Variants in MAVS observed in about 807,000 individuals in gnomAD.
The protein encoded by MAVS is mitochondrial antiviral-signaling protein.
Under a neutral mutation model 30.2 loss-of-function variants are expected in MAVS, and 20 were observed. The ratio of observed to expected loss-of-function variants is 0.66; its 90% confidence interval spans 0.47 to 0.96. The LOEUF is 0.96. Among genes scored for constraint, MAVS ranks in the 40% least tolerant of loss-of-function variants. MAVS has a pLI of 0.00. For synonymous variants in MAVS, 278 were observed against 293.9 expected (o/e 0.95, Z 0.55); for missense variants, 624 against 701.1 (o/e 0.89, Z 1.24).
At chr20:3,852,834 ATTTTTTTTT>A (rs57163061) in intron 1 of MAVS, among the ~76,000 whole-genome samples, 2 of 107,488 alleles carry the variant, frequency 1.9e-5, no homozygotes, top group South Asian at 3.0e-4. Flanking sequence ...ATTCTGCAGA[ATTTTTTTTT>A]TTTTTTTTTT....
At chr20:3,855,037 C>T (rs1232186049) in intron 2 of MAVS, among the ~76,000 whole-genome samples, 3 of 152,040 alleles carry the variant, frequency 2.0e-5, no homozygotes, top group Non-Finnish European at 2.9e-5. Context: ...ATTACAGGTG[C>T]GTGCCACCAC....
At chr20:3,858,851 G>T (rs1198374768) in intron 3 of MAVS, among the ~76,000 whole-genome samples, 1 of 150,356 alleles carries the variant, frequency 6.7e-6, no homozygotes, top group Non-Finnish European at 1.5e-5. Flanking sequence ...CCAGGCTGCA[G>T]TGCAGTGGTG....
At chr20:3,853,230 T>G (rs1171685698) in intron 1 of MAVS, among the ~76,000 whole-genome samples, 4 of 147,172 alleles carry the variant, frequency 2.7e-5, no homozygotes, top group African/African-American at 9.9e-5. Context: ...CTCACGCCTG[T>G]AATCCCAGCA....
intron 4 of MAVS, 150 bp downstream of exon 4, chr20:3,861,654 GC>G: frequency 1.2e-6 from 1 of 868,558 alleles, no homozygotes. Context: ...GTGGGGATCT[GC>G]CCCAGACCAG....
chr20:3,857,989 C>G, intron 3 of MAVS, 180 bp downstream of exon 3: 1 of 697,946 alleles, frequency 1.4e-6, no homozygotes. Flanking sequence ...TCCCTTTGGC[C>G]AAGTCCCTTA....
intron 2 of MAVS, among the ~76,000 whole-genome samples, chr20:3,856,452 A>G (rs2089811540): frequency 6.7e-6 from 1 of 148,716 alleles, no homozygotes; most frequent in South Asian, 2.1e-4. Flanking sequence ...CCTGGGTTCA[A>G]GCAATTCTCC....
rs564825944 is a variant in MAVS, at chr20:3,876,092, A to C, written c.*9945A>C. ...GTGAGCCCGTGGACACTTCTGTACA[A>C]TAAATCTGCTATTATTACTTCTAGA... On this transcript the variant is annotated 3_prime_UTR_variant, in exon 7 of 7. Transcript: ENST00000428216. 2.0e-5 allele frequency: 3 copies of C among 152,380 alleles called. No homozygotes were observed. Among genetic ancestry groups the C allele is most frequent in the African/African-American group, 7.2e-5 (3 of 41,536 alleles). 9.4% of individuals were successfully genotyped at this position (152,380 alleles called of 1,614,324 possible).
chr20:3,851,957 CAAAAA>C (rs1364240405), intron 1 of MAVS, among the ~76,000 whole-genome samples: 1 of 143,502 alleles, frequency 7.0e-6, no homozygotes, highest in Non-Finnish European at 1.5e-5. Flanking sequence ...AACTCTGTCT[CAAAAA>C]AGAAAAAAAG....
chr20:3,864,346 G>A lies in MAVS; in HGVS notation c.716G>A (p.Arg239His), dbSNP rs143249441. The A allele has an allele frequency of 2.1e-5, 34 of 1,609,782 alleles. No individual in the cohort carries two copies. Among genetic ancestry groups the A allele is most frequent in the Middle Eastern group, 1.7e-4 (1 of 6,060 alleles). The change falls in exon 6 of 7, where the codon CGC (arginine) becomes CAC (histidine). Residue 239 changes from arginine to histidine, a missense_variant. Transcript: ENST00000428216. Reference protein sequence around the residue: ...PLARSTPRASRLPGPTGSVVS... With the variant: ...PLARSTPRASHLPGPTGSVVS... ...GCCCGTTCCACCCCCAGGGCAAGCC[G>A]CTTGCCTGGACCCACAGGGTCAGTT...
chr20:3,851,990 C>CCTTTTTTTTTTTTTTTTTTT (rs2089763993), intron 1 of MAVS, among the ~76,000 whole-genome samples: 1 of 80,488 alleles, frequency 1.2e-5, no homozygotes, highest in African/African-American at 1.2e-4. Context: ...GTGTAGCAGG[C>CCTTTTTTTTTTTTTTTTTTT]TTTTTTTTTT....
intron 1 of MAVS, among the ~76,000 whole-genome samples, chr20:3,852,307 CTT>C (rs1432856611): frequency 6.6e-6 from 1 of 152,110 alleles, no homozygotes; most frequent in Non-Finnish European, 1.5e-5. Flanking sequence ...GTGTAGCAGG[CTT>C]TAATGGTGGG....
intron 2 of MAVS, among the ~76,000 whole-genome samples, chr20:3,855,229 G>A (rs912755160): frequency 5.9e-5 from 9 of 152,210 alleles, no homozygotes; most frequent in African/African-American, 1.7e-4. Flanking sequence ...TCAGGGTGGC[G>A]TTGCTGACTT....
chr20:3,854,891 C>CTTT (rs61256246), intron 2 of MAVS, 150 bp downstream of exon 2: 44,019 of 301,046 alleles, frequency 0.15, 3,314 homozygotes, highest in East Asian at 0.32. Context: ...TGCTGCTTTT[C>CTTT]TTTTTTTTTT....
rs762044915 is a variant in MAVS, at chr20:3,869,168, ATTTTTTTTTCTT to A, written c.*3031_*3042del. On this transcript the variant is annotated 3_prime_UTR_variant, in exon 7 of 7. Transcript: ENST00000428216. ...CCTGTCACCATGCCTGGCTAATTAAATTTTTTTTTCTTTTTTTTTTTTGAGATGGAGTCTTGC... is the reference window on the plus strand; with the variant it reads ...CCTGTCACCATGCCTGGCTAATTAAATTTTTTTTTTGAGATGGAGTCTTGC... 6.8e-6 allele frequency: 1 copy of A among 147,942 alleles called. No homozygotes were observed. Among genetic ancestry groups the A allele is most frequent in the Non-Finnish European group, 1.5e-5 (1 of 66,874 alleles). The allele number at this position is 147,942 out of a possible 1,614,324, so 9.2% of individuals were successfully genotyped here.
In MAVS at chr20:3,872,895, C is replaced by G. The variant is rs2089965908; in HGVS notation, c.*6748C>G. 1 of 152,224 alleles carries G rather than the reference C, an allele frequency of 6.6e-6. No homozygotes were observed. The highest frequency in any genetic ancestry group is 1.5e-5 in the Non-Finnish European group (1 of 68,046). 9.4% of individuals were successfully genotyped at this position (152,224 alleles called of 1,614,324 possible). The stretch of plus-strand genomic sequence containing the variant: ...GACACAGAATAATACGGCAAAGACC[C>G]CACCCGATGAGCCCCCTCCCACCAC... On this transcript the variant is annotated 3_prime_UTR_variant, in exon 7 of 7. Coordinates refer to ENST00000428216, the MANE Select transcript of MAVS (RefSeq NM_020746.5).
At position 3,865,619 on chromosome 20, in the gene MAVS, C is replaced by T. The variant is rs2089899799; in HGVS notation, c.1159-64C>T. ...TCATGCCCTGGCCTGGGAATGGGACCGCCCTACCAGGTTCGTCTCCCTGCC... is the reference window on the plus strand; with the variant it reads ...TCATGCCCTGGCCTGGGAATGGGACTGCCCTACCAGGTTCGTCTCCCTGCC... On this transcript the variant is annotated intron_variant, in intron 6 of 6. Transcript: ENST00000428216. This position sits in a 1 kb window ranked among gnomAD's most constrained non-coding sequence, Gnocchi z 4.7. 3.5e-6 allele frequency: 5 copies of T among 1,437,592 alleles called. No individual in the cohort carries two copies. The highest frequency in any genetic ancestry group is 2.4e-5 in the East Asian group (1 of 41,120). The allele number at this position is 1,437,592 out of a possible 1,614,324, so 89.1% of individuals were successfully genotyped here.
intron 6 of MAVS, 37 bp downstream of exon 6, chr20:3,864,825 C>T (rs1343993313): frequency 6.3e-7 from 1 of 1,597,484 alleles, no homozygotes; most frequent in Non-Finnish European, 8.5e-7. Context: ...ATCCTGGCCC[C>T]TTCCCCCGGG....
intron 5 of MAVS, among the ~76,000 whole-genome samples, chr20:3,863,476 G>A (rs979034073): frequency 6.6e-6 from 1 of 152,224 alleles, no homozygotes; most frequent in Non-Finnish European, 1.5e-5. Flanking sequence ...GCCACGGGAT[G>A]CCTTTCAGGA....
chr20:3,852,414 C>T (rs1454437144), intron 1 of MAVS, among the ~76,000 whole-genome samples: 1 of 152,128 alleles, frequency 6.6e-6, no homozygotes, highest in Non-Finnish European at 1.5e-5. Flanking sequence ...TTCTTTAAAG[C>T]GGGATGATCC....
Sources: gnomAD v4.1 joint callset for allele counts (sites outside exome capture counted in the v4.1 genomes callset) on GRCh38, gnomAD v4.1.1 for gene constraint, Gnocchi (gnomAD v3.1) non-coding constraint, MANE v1.5 for transcripts, NCBI Gene and HGNC (gene_info 2026-07-23, HGNC 2026-07-21) for gene names.